DNAJB14: variants seen among roughly 807,000 people sequenced by gnomAD.
DNAJB14 encodes dnaJ homolog subfamily B member 14.
Under a neutral mutation model 48.4 loss-of-function variants are expected in DNAJB14, and 22 were observed. That is an observed-to-expected ratio of 0.45 (90% CI 0.32 to 0.65). DNAJB14 has a LOEUF of 0.65. Ranked by LOEUF, DNAJB14 falls within the 30% of genes least tolerant of loss-of-function variation. The pLI is 0.03. For synonymous variants in DNAJB14, 142 were observed against 158.7 expected (o/e 0.89, Z 0.79); for missense variants, 319 against 458.8 (o/e 0.70, Z 2.78).
intron 2 of DNAJB14, chr4:99,925,794 TAGAAAC>T (rs1400929597): frequency 6.6e-6 from 1 of 152,076 alleles, no homozygotes; most frequent in East Asian, 1.9e-4. Flanking sequence ...AAGAAGCTAA[TAGAAAC>T]AGAGAAAGGA....
At chr4:99,906,478 T>G (rs1184613716) in intron 5 of DNAJB14, 39 bp downstream of exon 5, 14 of 1,586,170 alleles carry the variant, frequency 8.8e-6, no homozygotes, top group Admixed American at 1.7e-5. Flanking sequence ...TTTCCTGAGC[T>G]GAAATTTGCC....
At chr4:99,931,391 C>A (rs1160926512) in intron 1 of DNAJB14, among the ~76,000 whole-genome samples, 1 of 152,030 alleles carries the variant, frequency 6.6e-6, no homozygotes, top group African/African-American at 2.4e-5. Context: ...TGGTTCAAGA[C>A]AGGTGAGTGA....
At chr4:99,939,332 G>A (rs946015065) in intron 1 of DNAJB14, among the ~76,000 whole-genome samples, 4 of 152,118 alleles carry the variant, frequency 2.6e-5, no homozygotes, top group Non-Finnish European at 4.4e-5. Context: ...ATTGCATTCC[G>A]GCCTGGGCAA....
chr4:99,910,745 A>G (rs1167456452), intron 3 of DNAJB14, among the ~76,000 whole-genome samples: 1 of 151,982 alleles, frequency 6.6e-6, no homozygotes, highest in African/African-American at 2.4e-5. Context: ...TTATCTAAAT[A>G]ATTATATCCT....
intron 3 of DNAJB14, among the ~76,000 whole-genome samples, chr4:99,917,953 C>T (rs1435883087): frequency 2.0e-5 from 3 of 152,078 alleles, no homozygotes; most frequent in Non-Finnish European, 4.4e-5. Context: ...CTTGGTGTGG[C>T]TTTCTTTGGG....
chr4:99,936,903 T>C (rs182136379), intron 1 of DNAJB14, among the ~76,000 whole-genome samples: 5 of 152,306 alleles, frequency 3.3e-5, no homozygotes, highest in Admixed American at 2.0e-4. Flanking sequence ...ATCAGAAATT[T>C]TTTCAGGAAA....
intron 6 of DNAJB14, among the ~76,000 whole-genome samples, chr4:99,904,447 CA>C (rs1324888820): frequency 6.6e-6 from 1 of 151,978 alleles, no homozygotes; most frequent in East Asian, 1.9e-4. Context: ...GTTTCATGTA[CA>C]AAGTGACTAA....
chr4:99,935,777 G>C (rs1403410980), intron 1 of DNAJB14, among the ~76,000 whole-genome samples: 1 of 152,132 alleles, frequency 6.6e-6, no homozygotes, highest in Non-Finnish European at 1.5e-5. Flanking sequence ...GGACTCAAGA[G>C]ACAGTCATGG....
Position 99,941,886 on chromosome 4 carries a change from G to A in DNAJB14, c.133+4553C>T, listed in dbSNP as rs1265604536. On this transcript the variant is annotated intron_variant, in intron 1 of 7. Coordinates refer to ENST00000442697, the MANE Select transcript of DNAJB14 (RefSeq NM_001031723.4). ...TAGCTGAAATTTGGAAATCATTTTT[G>A]TAACACTTCAGTTGGTGCTATAGAA... Among the ~76,000 whole-genome samples the A allele has an allele frequency of 2.0e-5, 3 of 152,166 alleles. No individual in the cohort carries two copies. The East Asian group carries it at 5.8e-4, about 29-fold the overall frequency.
At chr4:99,925,028 T>C in intron 2 of DNAJB14, 3 of 531,346 alleles carry the variant, frequency 5.6e-6, no homozygotes, top group South Asian at 5.1e-5. Context: ...AGATGTATAA[T>C]ATAAAATACA....
chr4:99,934,760 C>A (rs1485675775), intron 1 of DNAJB14, among the ~76,000 whole-genome samples: 2 of 123,376 alleles, frequency 1.6e-5, no homozygotes, highest in Admixed American at 9.8e-5. Context: ...CCACTGCACT[C>A]CAGCCTGGGT....
chr4:99,926,984 A>T (rs1182957473), intron 2 of DNAJB14: 1 of 152,192 alleles, frequency 6.6e-6, no homozygotes, highest in African/African-American at 2.4e-5. Context: ...TATCATTCAT[A>T]TAATTATTTT....
At position 99,896,745 on chromosome 4, in the gene DNAJB14, G is replaced by A. The variant is rs1288243287; in HGVS notation, c.*4283C>T. ...ATAATTACAATACTCCAATGTCACT[G>A]AAAATCTCTATGATTTTAATGGTGT... is the stretch of plus-strand genomic sequence containing the variant. On this transcript the variant is annotated 3_prime_UTR_variant, in exon 8 of 8. Coordinates refer to ENST00000442697, the MANE Select transcript of DNAJB14 (RefSeq NM_001031723.4). 4 of 152,088 alleles carry A rather than the reference G, an allele frequency of 2.6e-5. No homozygotes were observed. The highest frequency in any genetic ancestry group is 9.7e-5 in the African/African-American group (4 of 41,428). The allele number at this position is 152,088 out of a possible 1,614,324, so 9.4% of individuals were successfully genotyped here.
intron 6 of DNAJB14, among the ~76,000 whole-genome samples, chr4:99,904,437 G>A (rs1043498616): frequency 6.6e-6 from 1 of 152,048 alleles, no homozygotes; most frequent in Non-Finnish European, 1.5e-5. Flanking sequence ...TACAAACTTT[G>A]TTTCATGTAC....
At chr4:99,912,759 G>A (rs1282367278) in intron 3 of DNAJB14, among the ~76,000 whole-genome samples, 3 of 152,184 alleles carry the variant, frequency 2.0e-5, no homozygotes, top group African/African-American at 7.2e-5. Context: ...GATTACAGGT[G>A]TGAGTCACCG....
intron 1 of DNAJB14, among the ~76,000 whole-genome samples, chr4:99,934,324 GA>G (rs369795774): frequency 2.0e-5 from 3 of 152,092 alleles, no homozygotes; most frequent in Non-Finnish European, 4.4e-5. Flanking sequence ...AGTCAAATCT[GA>G]TACAAAATTA....
rs771795024 is a variant in DNAJB14 at position 99,906,642 on chromosome 4, G to T, written c.638-31C>A. ...AAATTAAAAGCAAGGTTAAATTAGG[G>T]AGAGCAATTATGATCAGAAAAAATA... On this transcript the variant is annotated intron_variant, in intron 4 of 7. Coordinates refer to ENST00000442697, the MANE Select transcript of DNAJB14 (RefSeq NM_001031723.4). The T allele has an allele frequency of 2.6e-6, 4 of 1,535,722 alleles. No homozygotes were observed. In the Admixed American group the frequency reaches 6.8e-5, roughly 26 times the overall value.
In DNAJB14 at chr4:99,915,640, AATCAGG is replaced by A. The variant is rs1725827656; in HGVS notation, c.452-6750_452-6745del. Among the ~76,000 whole-genome samples, 3 of 152,206 alleles carry A rather than the reference AATCAGG, an allele frequency of 2.0e-5. No homozygotes were observed. The South Asian group carries it at 6.2e-4, about 32-fold the overall frequency. ...TAAATTAGTGGAGGTTTATCTTATG[AATCAGG>A]ATATGGTCTCTCTTCCTGTGTGTTC... On this transcript the variant is annotated intron_variant, in intron 3 of 7. Coordinates refer to ENST00000442697, the MANE Select transcript of DNAJB14 (RefSeq NM_001031723.4).
At chr4:99,924,524 T>C in intron 2 of DNAJB14, 2 of 378,166 alleles carry the variant, frequency 5.3e-6, no homozygotes, top group Non-Finnish European at 9.0e-6. Context: ...CTACTTTAGA[T>C]ACTTAAAAAC....
Sources: allele counts gnomAD v4.1 joint callset (sites outside exome capture counted in the v4.1 genomes callset), GRCh38; gene constraint gnomAD v4.1.1; transcripts MANE v1.5; gene names NCBI Gene and HGNC (gene_info 2026-07-23, HGNC 2026-07-21).